The following CAST variants were observed in gnomAD, a reference collection of about 807,000 sequenced individuals.
The protein encoded by CAST is MIR583 host.
CAST carries 76 observed loss-of-function variants against 119.6 expected under a neutral mutation model. That is an observed-to-expected ratio of 0.64 (90% CI 0.53 to 0.77). The LOEUF is 0.77. Among genes scored for constraint, CAST ranks in the 30% least tolerant of loss-of-function variants. The probability of loss-of-function intolerance (pLI) is 0.00; values close to 1 mark genes in which losing one functional copy is unlikely to be tolerated. For missense variants in CAST, 953 were observed against 946.5 expected (o/e 1.01, Z -0.09); for synonymous variants, 319 against 331.6 (o/e 0.96, Z 0.41).
intron 1 of CAST, among the ~76,000 whole-genome samples, chr5:96,538,920 G>C (rs186464901): frequency 1.3e-5 from 2 of 152,052 alleles, no homozygotes; most frequent in African/African-American, 4.8e-5. Context: ...CTGCTATCAG[G>C]TCACCCAAAG....
the CAST span, among the ~76,000 whole-genome samples, chr5:95,993,542 C>A: frequency 6.6e-6 from 1 of 152,046 alleles, no homozygotes; most frequent in Non-Finnish European, 1.5e-5. Flanking sequence ...GCCCCTGCAA[C>A]AAAGTTCAGT....
At chr5:96,433,607 G>T in the CAST span, among the ~76,000 whole-genome samples, 3 of 152,000 alleles carry the variant, frequency 2.0e-5, no homozygotes, top group South Asian at 2.1e-4. Flanking sequence ...GTGGCGGGGA[G>T]GGGGGGAGGC....
the CAST span, among the ~76,000 whole-genome samples, chr5:96,354,952 G>T: frequency 7.9e-4 from 120 of 151,036 alleles, no homozygotes; most frequent in African/African-American, 2.9e-3. Flanking sequence ...AATATATTTT[G>T]GTCAGTACAG....
At chr5:96,088,929 G>GTGGA in the CAST span, among the ~76,000 whole-genome samples, 1 of 152,276 alleles carries the variant, frequency 6.6e-6, no homozygotes, top group Non-Finnish European at 1.5e-5. Context: ...CAGTGCTCTG[G>GTGGA]TGGATTGAGG....
In CAST at chr5:96,729,181, A is replaced by G. The variant is rs1561534440; in HGVS notation, c.407A>G (p.Gln136Arg). 1.2e-6 allele frequency: 2 copies of G among 1,602,292 alleles called. No individual in the cohort carries two copies. Among genetic ancestry groups the G allele is most frequent in the East Asian group, 2.2e-5 (1 of 44,692 alleles). The change falls in exon 7 of 32, where the codon CAA becomes CGA. Residue 136 changes from glutamine (Q) to arginine (R), a missense_variant. Gln to Arg is a conservative substitution (Grantham distance 43). Coordinates refer to ENST00000675179, the MANE Select transcript of CAST (RefSeq NM_001750.7). The part of the protein sequence containing the change: ...KLSVVHEKKS[Q>R]EGKPKEHTEP... ...TCTGTGGTTCATGAGAAAAAATCCC[A>G]AGAAGGAAAGCCAAAAGAACACACA...
chr5:96,281,531 A>G, the CAST span, among the ~76,000 whole-genome samples: 1 of 152,178 alleles, frequency 6.6e-6, no homozygotes, highest in African/African-American at 2.4e-5. Context: ...ATAAGGGTCT[A>G]GTTGTAAGCA....
the CAST span, among the ~76,000 whole-genome samples, chr5:96,291,693 C>T: frequency 6.6e-6 from 1 of 152,016 alleles, no homozygotes; most frequent in Non-Finnish European, 1.5e-5. Context: ...GAGAGGGGAG[C>T]ATGGAAGACT....
chr5:96,251,160 C>A, the CAST span, among the ~76,000 whole-genome samples: 3 of 152,286 alleles, frequency 2.0e-5, no homozygotes, highest in Admixed American at 2.0e-4. Flanking sequence ...TCCTGGACTG[C>A]TTTCTGTTCT....
chr5:96,319,451 A>G, the CAST span, among the ~76,000 whole-genome samples: 1 of 152,154 alleles, frequency 6.6e-6, no homozygotes, highest in East Asian at 1.9e-4. Flanking sequence ...ACAACTTTGA[A>G]CCCAGGGATT....
the CAST span, among the ~76,000 whole-genome samples, chr5:96,209,083 G>T: frequency 6.6e-6 from 1 of 151,620 alleles, no homozygotes; most frequent in Admixed American, 6.6e-5. Flanking sequence ...TAATGCCTTT[G>T]TCTCTTCTGA....
intron 1 of CAST, among the ~76,000 whole-genome samples, chr5:96,671,972 C>T (rs989135840): frequency 1.3e-5 from 2 of 152,170 alleles, no homozygotes; most frequent in African/African-American, 2.4e-5. Flanking sequence ...CATTAACAGA[C>T]TGCTGAATAT....
intron 1 of CAST, among the ~76,000 whole-genome samples, chr5:96,534,839 A>AGGAGGGAGGGAG (rs1745772349): frequency 7.4e-6 from 1 of 134,596 alleles, no homozygotes; most frequent in African/African-American, 2.7e-5. Context: ...GAAGGAAAGA[A>AGGAGGGAGGGAG]GGAAGGAAGG....
At chr5:96,076,476 G>C in the CAST span, among the ~76,000 whole-genome samples, 3 of 152,140 alleles carry the variant, frequency 2.0e-5, no homozygotes, top group East Asian at 5.8e-4. Flanking sequence ...TCGGGTTCTG[G>C]GCCTGGACTC....
At chr5:96,282,018 C>A in the CAST span, among the ~76,000 whole-genome samples, 1 of 152,162 alleles carries the variant, frequency 6.6e-6, no homozygotes, top group Admixed American at 6.5e-5. Flanking sequence ...CACTTGAGTC[C>A]TATGTCCATT....
chr5:96,620,371 T>C (rs1044511794), intron 1 of CAST, among the ~76,000 whole-genome samples: 32 of 151,844 alleles, frequency 2.1e-4, no homozygotes, highest in African/African-American at 6.8e-4. Context: ...TCAGTCGACA[T>C]TGTAGTTAAA....
At chr5:96,362,067 G>A in the CAST span, among the ~76,000 whole-genome samples, 4 of 151,682 alleles carry the variant, frequency 2.6e-5, no homozygotes, top group African/African-American at 7.3e-5. Flanking sequence ...CCCACCTATG[G>A]GTGAGAACAT....
chr5:96,425,044 G>A, the CAST span, among the ~76,000 whole-genome samples: 50 of 127,164 alleles, frequency 3.9e-4, no homozygotes, highest in South Asian at 2.9e-3. Context: ...AAGAAAGAAA[G>A]AAAGAAAGAA....
chr5:96,336,072 A>C, the CAST span, among the ~76,000 whole-genome samples: 2 of 152,206 alleles, frequency 1.3e-5, no homozygotes, highest in Non-Finnish European at 2.9e-5. Flanking sequence ...ACAAAACAGT[A>C]ATCTGACCCA....
chr5:95,995,805 C>T, the CAST span, among the ~76,000 whole-genome samples: 2 of 152,078 alleles, frequency 1.3e-5, no homozygotes, highest in African/African-American at 2.4e-5. Flanking sequence ...CCACTCCAAA[C>T]AGCTCCTATA....
Sources: gnomAD v4.1 joint callset for allele counts (sites outside exome capture counted in the v4.1 genomes callset) on GRCh38, gnomAD v4.1.1 for gene constraint, MANE v1.5 for transcripts, NCBI Gene and HGNC (gene_info 2026-07-23, HGNC 2026-07-21) for gene names.